DUOXA2: variants seen among roughly 807,000 people sequenced by gnomAD.
DUOXA2 encodes the protein dual oxidase maturation factor 2.
A neutral mutation model predicts 27.6 loss-of-function variants in DUOXA2; 22 were observed. The observed-to-expected ratio is 0.80, with a 90% CI of 0.57 to 1.14. The LOEUF is 1.14. DUOXA2 is among the 50% of genes most tolerant of loss of function. The probability of loss-of-function intolerance (pLI) is 0.00; values close to 1 mark genes in which losing one functional copy is unlikely to be tolerated. For missense variants in DUOXA2, 481 were observed against 419.9 expected, an observed-to-expected ratio of 1.15 and a Z score of -1.27; for synonymous variants, 188 against 184.4, an observed-to-expected ratio of 1.02 and a Z score of -0.16.
In DUOXA2 at chr15:45,114,625, T is replaced by C; in HGVS notation, c.20T>C (p.Val7Ala). Residue 7 changes from valine (V) to alanine (A), a missense_variant, in exon 1 of 6, where the codon GTA (valine) becomes GCA (alanine). Physicochemically the swap from Val to Ala is moderately conservative, Grantham distance 64. Coordinates refer to ENST00000323030, the MANE Select transcript of DUOXA2 (RefSeq NM_207581.4). The stretch of plus-strand genomic sequence containing the variant: ...TGCAGCATGACCCTGTGGAACGGCG[T>C]ACTGCCTTTTTACCCCCAGCCCCGG... MTLWNG[V>A]LPFYPQPRHA... is the part of the protein sequence containing the mutation. 1 of 1,614,162 alleles carries C rather than the reference T, an allele frequency of 6.2e-7. No individual in the cohort carries two copies. Among genetic ancestry groups the C allele is most frequent in the Middle Eastern group, 1.7e-4 (1 of 6,060 alleles).
intron 5 of DUOXA2, 31 bp from the exon 6 acceptor site, chr15:45,117,685 C>A: frequency 6.2e-7 from 1 of 1,613,826 alleles, no homozygotes; most frequent in Non-Finnish European, 8.5e-7. Context: ...ACTCCACATG[C>A]CCTCCTTTCT....
chr15:45,116,675 G>C lies in DUOXA2; in HGVS notation c.500G>C (p.Cys167Ser). 6.2e-7 allele frequency: 1 copy of C among 1,613,742 alleles called. No individual in the cohort carries two copies. The highest frequency in any genetic ancestry group is 8.5e-7 in the Non-Finnish European group (1 of 1,180,052). ...GAGAAGTTCACACCGAGTAGCCCTT[G>C]CGGCCTGTACCACCAGTACCACCTG... Reference protein sequence around the residue: ...LAEKFTPSSPCGLYHQYHLAG... With the variant: ...LAEKFTPSSPSGLYHQYHLAG... The change falls in exon 4 of 6, where the codon TGC becomes TCC. Residue 167 changes from cysteine to serine, a missense_variant. By Grantham distance (112) the Cys-to-Ser change is moderately radical. Transcript: ENST00000323030.
intron 1 of DUOXA2, chr15:45,115,489 C>T (rs950127427): frequency 1.7e-6 from 1 of 572,562 alleles, no homozygotes; most frequent in African/African-American, 1.9e-5. Context: ...AGTGACTGGA[C>T]CAGGAGGCAG....
At chr15:45,116,353 A>C in intron 3 of DUOXA2, 95 bp downstream of exon 3, 1 of 1,582,902 alleles carries the variant, frequency 6.3e-7, no homozygotes, top group Non-Finnish European at 8.6e-7. Flanking sequence ...CACATCCCAC[A>C]AGCTCAAATA....
chr15:45,117,414 C>G (rs1894709721), intron 5 of DUOXA2, 109 bp downstream of exon 5: 1 of 1,512,656 alleles, frequency 6.6e-7, no homozygotes, highest in Admixed American at 2.1e-5. Context: ...CCCTATTTGC[C>G]CCTCTCAATA....
rs1894597110 is a variant in DUOXA2 at position 45,115,721 on chromosome 15, G to A, written c.148-78G>A. On this transcript the variant is annotated intron_variant, in intron 1 of 5. Coordinates refer to ENST00000323030, the MANE Select transcript of DUOXA2 (RefSeq NM_207581.4). ...AGTCTGGATATAACTAAAGATCCAGGTGAAGTGGGGTCAAGGGTGGTCTTG... is the reference window on the plus strand; with the variant it reads ...AGTCTGGATATAACTAAAGATCCAGATGAAGTGGGGTCAAGGGTGGTCTTG... The A allele has an allele frequency of 4.5e-6, 7 of 1,545,766 alleles. No homozygotes were observed. In the Middle Eastern group the frequency reaches 5.1e-4, roughly 112 times the overall value.
intron 1 of DUOXA2, 106 bp from the exon 2 acceptor site, chr15:45,115,667 GGAAAAGCGTGCCTAACATTAGTCTCA>G (rs1894593849): frequency 8.2e-6 from 9 of 1,100,712 alleles, no homozygotes; most frequent in Non-Finnish European, 1.2e-5. Context: ...GGGACTTGCA[GGAAAAGCGTGCCTAACATTAGTCTCA>G]AAAGTCTGGA....
In DUOXA2 at chr15:45,117,256, C is replaced by G; in HGVS notation, c.720C>G (p.Ser240=). 1 of 1,609,782 alleles carries G rather than the reference C, an allele frequency of 6.2e-7. No homozygotes were observed. The highest frequency in any genetic ancestry group is 8.5e-7 in the Non-Finnish European group (1 of 1,178,712). The change falls in exon 5 of 6, where the codon TCC becomes TCG. Residue 240 remains serine, a synonymous_variant. Coordinates refer to ENST00000323030, the MANE Select transcript of DUOXA2 (RefSeq NM_207581.4). Reference sequence around the variant, plus strand: ...TCTGCCCGCTCCGCCTAGGCTCCTCCGCGCTCACCACTCAGTACGGCGCCG... The same window carrying G: ...TCTGCCCGCTCCGCCTAGGCTCCTCGGCGCTCACCACTCAGTACGGCGCCG... ...VPLCPLRLGS[S]ALTTQYGAAF... is the part of the protein sequence containing the mutation.
chr15:45,117,069 G>A (rs773444234), intron 4 of DUOXA2, 22 bp from the exon 5 acceptor site: 37 of 1,596,112 alleles, frequency 2.3e-5, no homozygotes, highest in Non-Finnish European at 2.5e-5. Context: ...CGCTCACAGC[G>A]GGTCCCCCCA....
In DUOXA2 at chr15:45,117,303, C is replaced by G; in HGVS notation, c.767C>G (p.Thr256Ser). 2.5e-6 allele frequency: 4 copies of G among 1,589,268 alleles called. No homozygotes were observed. Among genetic ancestry groups the G allele is most frequent in the Non-Finnish European group, 3.4e-6 (4 of 1,165,328 alleles). The change falls in exon 5 of 6, where the codon ACC (threonine) becomes AGC (serine). Residue 256 changes from threonine (T) to serine (S), a missense_variant and splice_region_variant. Coordinates refer to ENST00000323030, the MANE Select transcript of DUOXA2 (RefSeq NM_207581.4). Reference sequence around the variant, plus strand: ...GCCGCCTTCTGGGTCACGCTGGCAACCGGTGAGGACCGAGAGAATGGGCCC... The same window carrying G: ...GCCGCCTTCTGGGTCACGCTGGCAAGCGGTGAGGACCGAGAGAATGGGCCC... ...YGAAFWVTLA[T>S]GVLCLFLGGA...
chr15:45,117,219 C>T lies in DUOXA2; in HGVS notation c.683C>T (p.Ser228Phe), dbSNP rs563318392. ...GGGGTCTTCGCCTTGGCCTCCATCT[C>T]TAGCGTGCCGCTCTGCCCGCTCCGC... ...LFGVFALASI[S>F]SVPLCPLRLG... The change falls in exon 5 of 6, where the codon TCT (serine) becomes TTT (phenylalanine). Residue 228 changes from serine (S) to phenylalanine (F), a missense_variant. Coordinates refer to ENST00000323030, the MANE Select transcript of DUOXA2 (RefSeq NM_207581.4). 40 of 1,610,136 alleles carry T rather than the reference C, an allele frequency of 2.5e-5. No homozygotes were observed. In the South Asian group the frequency reaches 4.0e-4, roughly 16 times the overall value.
rs753731240 is a variant in DUOXA2, at chr15:45,117,157, C to G, written c.621C>G (p.Gly207=). 2 of 1,603,854 alleles carry G rather than the reference C, an allele frequency of 1.2e-6. No individual in the cohort carries two copies. The highest frequency in any genetic ancestry group is 1.1e-5 in the South Asian group (1 of 91,002). ...CCACGCCGGCCCCGCTCTACGGAGG[C>G]CTGGCACTGCTGACCACCGGAGCCT... ...LLSTPAPLYG[G]LALLTTGAFA... is the part of the protein sequence containing the mutation. Residue 207 remains glycine, a synonymous_variant, in exon 5 of 6, where the codon GGC becomes GGG. Transcript: ENST00000323030.
chr15:45,118,262 G>A lies in DUOXA2; in HGVS notation c.*353G>A. ...GAGTAATAGGGGCGCCCTCTAGTGA[G>A]GCCGGAGGGACCCTACCAGAGCTAG... On this transcript the variant is annotated 3_prime_UTR_variant, in exon 6 of 6. Coordinates refer to ENST00000323030, the MANE Select transcript of DUOXA2 (RefSeq NM_207581.4). The A allele has an allele frequency of 3.6e-6, 5 of 1,380,932 alleles. No homozygotes were observed. Among genetic ancestry groups the A allele is most frequent in the Non-Finnish European group, 4.7e-6 (5 of 1,073,620 alleles). The allele number at this position is 1,380,932 out of a possible 1,614,324, so 85.5% of individuals were successfully genotyped here. A position where few individuals can be genotyped will look rare whatever the true frequency, so the allele number is the denominator to read the frequency against.
intron 5 of DUOXA2, 95 bp from the exon 6 acceptor site, chr15:45,117,621 C>T (rs1371863261): frequency 6.2e-7 from 1 of 1,613,742 alleles, no homozygotes; most frequent in Non-Finnish European, 8.5e-7. Context: ...GAGGTCGAGG[C>T]AGGAAGGTCG....
chr15:45,114,764 C>T lies in DUOXA2; in HGVS notation c.147+12C>T, dbSNP rs199773361. On this transcript the variant is annotated intron_variant, in intron 1 of 5. Transcript: ENST00000323030. ...TCCGTGGCCACTCGGTAAGGGTGTC[C>T]TCATAGTGCAGGTAGAGTGGGGGAA... 545 of 1,614,026 alleles carry T rather than the reference C, an allele frequency of 3.4e-4. No individual in the cohort carries two copies. The highest frequency in any genetic ancestry group is 4.4e-4 in the Non-Finnish European group (520 of 1,180,032).
Position 45,114,581 on chromosome 15 carries a change from G to A in DUOXA2, c.-25G>A. 6.2e-7 allele frequency: 1 copy of A among 1,612,856 alleles called. No individual in the cohort carries two copies. The highest frequency in any genetic ancestry group is 1.1e-5 in the South Asian group (1 of 91,048). On this transcript the variant is annotated 5_prime_UTR_variant, in exon 1 of 6. The change creates a new upstream start codon in the 5' untranslated region. Coordinates refer to ENST00000323030, the MANE Select transcript of DUOXA2 (RefSeq NM_207581.4). ...CTTGCTGGCTTGCCTGCCCGCCTGC[G>A]TGCAGCACTCGGCCGGCGTGCAGCA...
Position 45,117,180 on chromosome 15 carries a change from C to T in DUOXA2, c.644C>T (p.Ala215Val). ...YGGLALLTTGAFALFGVFALA... is the reference protein window; with the variant it reads ...YGGLALLTTGVFALFGVFALA... ...GGCCTGGCACTGCTGACCACCGGAGCCTTCGCGCTCTTCGGGGTCTTCGCC... is the reference window on the plus strand; with the variant it reads ...GGCCTGGCACTGCTGACCACCGGAGTCTTCGCGCTCTTCGGGGTCTTCGCC... The change falls in exon 5 of 6, where the codon GCC becomes GTC. Residue 215 changes from alanine (A) to valine (V), a missense_variant. By Grantham distance (64) the Ala-to-Val change is moderately conservative. Transcript: ENST00000323030. 1 of 1,606,298 alleles carries T rather than the reference C, an allele frequency of 6.2e-7. No individual in the cohort carries two copies. The highest frequency in any genetic ancestry group is 8.5e-7 in the Non-Finnish European group (1 of 1,179,734).
chr15:45,117,150 A>T lies in DUOXA2; in HGVS notation c.614A>T (p.Tyr205Phe), dbSNP rs774400412. ...CTGCTCTCCACGCCGGCCCCGCTCT[A>T]CGGAGGCCTGGCACTGCTGACCACC... ...NVLLSTPAPL[Y>F]GGLALLTTGA... The change falls in exon 5 of 6, where the codon TAC becomes TTC. Residue 205 changes from tyrosine (Y) to phenylalanine (F), a missense_variant. Physicochemically the swap from Tyr to Phe is conservative, Grantham distance 22. Coordinates refer to ENST00000323030, the MANE Select transcript of DUOXA2 (RefSeq NM_207581.4). 3.8e-5 allele frequency: 61 copies of T among 1,603,198 alleles called. No individual in the cohort carries two copies. Among genetic ancestry groups the T allele is most frequent in the Non-Finnish European group, 5.2e-5 (61 of 1,179,882 alleles).
intron 1 of DUOXA2, chr15:45,115,434 C>T (rs1686491035): frequency 2.0e-6 from 1 of 501,088 alleles, no homozygotes; most frequent in Non-Finnish European, 3.9e-6. Context: ...AGGGAGGTGA[C>T]CCCTGCGTGC....
Sources: gnomAD v4.1 joint callset for allele counts on GRCh38, gnomAD v4.1.1 for gene constraint, MANE v1.5 for transcripts, NCBI Gene and HGNC (gene_info 2026-07-23, HGNC 2026-07-21) for gene names.